PIK3C2G: variants seen among roughly 807,000 people sequenced by gnomAD.
PIK3C2G encodes the protein phosphatidylinositol-4-phosphate 3-kinase catalytic subunit type 2 gamma, also known as phosphatidylinositol 3-kinase C2 domain-containing subunit gamma.
Under a neutral mutation model 181.1 loss-of-function variants are expected in PIK3C2G, and 168 were observed. The ratio of observed to expected loss-of-function variants is 0.93; its 90% CI spans 0.82 to 1.05. The LOEUF is 1.05. Among genes scored for constraint, PIK3C2G ranks in the 50% least tolerant of loss-of-function variants. PIK3C2G has a pLI of 0.00. For synonymous variants in PIK3C2G, 573 were observed against 592.2 expected (o/e 0.97, Z 0.47); for missense variants, 1,869 against 1,732.8 (o/e 1.08, Z -1.40).
intron 1 of PIK3C2G, among the ~76,000 whole-genome samples, chr12:18,277,786 C>T (rs1354187216): frequency 6.6e-6 from 1 of 152,100 alleles, no homozygotes; most frequent in Non-Finnish European, 1.5e-5. Context: ...AAAATAGAAG[C>T]AGCTGGCAGG....
intron 31 of PIK3C2G, among the ~76,000 whole-genome samples, chr12:18,611,555 C>A (rs73070213): frequency 0.03 from 4,610 of 152,178 alleles, 78 homozygotes; most frequent in Middle Eastern, 0.065. Flanking sequence ...GTTATATGTA[C>A]AGCTGACTAT....
chr12:18,654,276 A>G, the PIK3C2G span, among the ~76,000 whole-genome samples: 1 of 135,450 alleles, frequency 7.4e-6, no homozygotes, highest in South Asian at 2.5e-4. Context: ...TGCCATTTCC[A>G]AAAGAAACAC....
intron 30 of PIK3C2G, among the ~76,000 whole-genome samples, chr12:18,603,431 A>C (rs1422358033): frequency 1.3e-5 from 2 of 152,186 alleles, no homozygotes; most frequent in African/African-American, 4.8e-5. Flanking sequence ...ACATTTCTAA[A>C]AGCTTGGAAA....
At chr12:18,340,195 T>C (rs1938996375) in intron 9 of PIK3C2G, among the ~76,000 whole-genome samples, 1 of 152,106 alleles carries the variant, frequency 6.6e-6, no homozygotes, top group Admixed American at 6.6e-5. Flanking sequence ...TACAGCAGGG[T>C]GTTCAATCTT....
intron 18 of PIK3C2G, among the ~76,000 whole-genome samples, chr12:18,466,806 C>G (rs951564614): frequency 2.6e-5 from 4 of 152,090 alleles, no homozygotes; most frequent in Admixed American, 6.6e-5. Flanking sequence ...GTCAGATAAT[C>G]ACCATTACCC....
chr12:18,453,745 G>C (rs535024442), intron 18 of PIK3C2G, among the ~76,000 whole-genome samples: 1 of 151,890 alleles, frequency 6.6e-6, no homozygotes, highest in South Asian at 2.1e-4. Context: ...TTAAAAGAGA[G>C]AGAGAAAGTA....
At chr12:18,407,236 T>G (rs529613593) in intron 16 of PIK3C2G, among the ~76,000 whole-genome samples, 1 of 152,262 alleles carries the variant, frequency 6.6e-6, no homozygotes, top group Non-Finnish European at 1.5e-5. Flanking sequence ...TCATGAGAAA[T>G]ATTTAATTTC....
At chr12:18,363,499 G>C (rs955781700) in intron 12 of PIK3C2G, among the ~76,000 whole-genome samples, 2 of 151,870 alleles carry the variant, frequency 1.3e-5, no homozygotes, top group African/African-American at 4.8e-5. Flanking sequence ...CAGAACCCCA[G>C]GGGGCTCATC....
intron 18 of PIK3C2G, chr12:18,424,948 G>T: frequency 4.9e-6 from 1 of 203,756 alleles, no homozygotes; most frequent in Non-Finnish European, 1.1e-5. Context: ...CGTTCAGGGT[G>T]TCTATAGTAT....
chr12:18,657,404 A>G, the PIK3C2G span, among the ~76,000 whole-genome samples: 1 of 152,190 alleles, frequency 6.6e-6, no homozygotes, highest in Non-Finnish European at 1.5e-5. Context: ...GCTGACCCTC[A>G]GGCTCTATGA....
chr12:18,306,358 C>G (rs1047698137), intron 5 of PIK3C2G, among the ~76,000 whole-genome samples: 7 of 151,954 alleles, frequency 4.6e-5, no homozygotes, highest in Non-Finnish European at 7.4e-5. Context: ...CCTAAAAGCC[C>G]TAGTTTTAGG....
intron 18 of PIK3C2G, among the ~76,000 whole-genome samples, chr12:18,451,225 A>G (rs7135430): frequency 0.15 from 23,566 of 152,090 alleles, 2,121 homozygotes; most frequent in African/African-American, 0.25. Context: ...ATTTCATTCC[A>G]TTTGTTTGTG....
At chr12:18,499,771 A>C (rs1252271158) in intron 22 of PIK3C2G, among the ~76,000 whole-genome samples, 1 of 152,204 alleles carries the variant, frequency 6.6e-6, no homozygotes, top group Non-Finnish European at 1.5e-5. Context: ...GCCTCATACA[A>C]CACCACCTTG....
chr12:18,527,083 A>G (rs1943274980), intron 24 of PIK3C2G, among the ~76,000 whole-genome samples: 1 of 152,098 alleles, frequency 6.6e-6, no homozygotes, highest in Non-Finnish European at 1.5e-5. Context: ...ATCCACTTAC[A>G]TGGTGTAAGG....
At chr12:18,381,940 G>C in intron 14 of PIK3C2G, 60 bp downstream of exon 14, 2 of 991,594 alleles carry the variant, frequency 2.0e-6, no homozygotes, top group Non-Finnish European at 3.3e-6. Flanking sequence ...TACGTAGTTT[G>C]TTGTCAATTA....
intron 14 of PIK3C2G, among the ~76,000 whole-genome samples, chr12:18,389,476 G>T (rs964031284): frequency 6.6e-6 from 1 of 152,178 alleles, no homozygotes; most frequent in Non-Finnish European, 1.5e-5. Flanking sequence ...CAGCTTTGGG[G>T]TGCTATGTAT....
intron 26 of PIK3C2G, among the ~76,000 whole-genome samples, chr12:18,548,289 C>G (rs917781768): frequency 2.0e-5 from 3 of 152,028 alleles, no homozygotes; most frequent in Non-Finnish European, 4.4e-5. Context: ...CAAAGTTGGA[C>G]TGCAAGGCCT....
At chr12:18,662,313 G>T in the PIK3C2G span, among the ~76,000 whole-genome samples, 1 of 151,316 alleles carries the variant, frequency 6.6e-6, no homozygotes. Context: ...TAAACATAAA[G>T]GTTTTTAAGT....
At chr12:18,277,265 T>A (rs1306990562) in intron 1 of PIK3C2G, among the ~76,000 whole-genome samples, 1 of 152,154 alleles carries the variant, frequency 6.6e-6, no homozygotes, top group African/African-American at 2.4e-5. Flanking sequence ...TTTCTGTGTG[T>A]GTGTCTATGT....
Sources: gnomAD v4.1 joint callset for allele counts (sites outside exome capture counted in the v4.1 genomes callset) on GRCh38, gnomAD v4.1.1 for gene constraint, MANE v1.5 for transcripts, NCBI Gene and HGNC (gene_info 2026-07-23, HGNC 2026-07-21) for gene names.